The following NRG1 variants were observed in gnomAD, a reference collection of about 807,000 sequenced individuals.
NRG1 encodes neuregulin 1.
In NRG1, 18 loss-of-function variants were observed where a neutral mutation model predicts 63.8. The observed-to-expected ratio is 0.28, with a 90% CI of 0.19 to 0.42. NRG1 has a LOEUF of 0.42. Among genes scored for constraint, NRG1 ranks in the 10% least tolerant of loss-of-function variants. The pLI, the probability that NRG1 is intolerant of heterozygous loss-of-function variation, is 1.00. For synonymous variants in NRG1, 302 were observed against 301.3 expected, an observed-to-expected ratio of 1.00 and a Z score of -0.02; for missense variants, 762 against 814.7, an observed-to-expected ratio of 0.94 and a Z score of 0.79.
At position 32,267,186 on chromosome 8, in the gene NRG1, AGAAG is replaced by A. The variant is rs138029737; in HGVS notation, c.38-328622_38-328619del. 1.3e-3 allele frequency among the ~76,000 whole-genome samples: 195 copies of A among 149,538 alleles called. 2 individuals carry two copies. Among genetic ancestry groups the A allele is most frequent in the African/African-American group, 3.8e-3 (150 of 39,918 alleles). ...AGGAGAAAGAAGGAAGGAAGGAGAA[AGAAG>A]GAAGGAAGGAAGGAAGGAAAAATAT... is the stretch of plus-strand genomic sequence containing the variant. On this transcript the variant is annotated intron_variant, in intron 1 of 10. Transcript: ENST00000519301.
At chr8:32,272,744 G>T (rs1472831959) in intron 1 of NRG1, among the ~76,000 whole-genome samples, 1 of 152,120 alleles carries the variant, frequency 6.6e-6, no homozygotes, top group Non-Finnish European at 1.5e-5. Context: ...ATCCATTATT[G>T]ATCAAAATGT....
chr8:32,624,564 C>T (rs1848870282), intron 5 of NRG1, among the ~76,000 whole-genome samples: 1 of 152,024 alleles, frequency 6.6e-6, no homozygotes, highest in African/African-American at 2.4e-5. Context: ...ATTGGGCAGA[C>T]AAAACTAAGC....
chr8:31,708,890 G>A (rs1177706970), intron 1 of NRG1, among the ~76,000 whole-genome samples: 1 of 152,078 alleles, frequency 6.6e-6, no homozygotes, highest in Non-Finnish European at 1.5e-5. Context: ...TTGAAAATCT[G>A]CATATAATTT....
At chr8:32,641,534 C>T (rs1852394199) in intron 5 of NRG1, among the ~76,000 whole-genome samples, 1 of 152,212 alleles carries the variant, frequency 6.6e-6, no homozygotes, top group South Asian at 2.1e-4. Context: ...AGCAAACTCA[C>T]TGTAACTATC....
intron 1 of NRG1, among the ~76,000 whole-genome samples, chr8:32,403,672 C>CA (rs370643716): frequency 8.5e-5 from 13 of 152,292 alleles, no homozygotes; most frequent in African/African-American, 3.1e-4. Flanking sequence ...TACCCACCCA[C>CA]ATCACCTCTG....
intron 1 of NRG1, among the ~76,000 whole-genome samples, chr8:31,821,810 C>T (rs930776800): frequency 3.3e-5 from 5 of 151,882 alleles, no homozygotes; most frequent in Admixed American, 6.6e-5. Flanking sequence ...CTTTTCTTAA[C>T]GTCTTTACAG....
At chr8:32,284,965 G>A (rs1436137370) in intron 1 of NRG1, among the ~76,000 whole-genome samples, 1 of 152,124 alleles carries the variant, frequency 6.6e-6, no homozygotes, top group Non-Finnish European at 1.5e-5. Context: ...TTTTGGTGGT[G>A]GATAACATTT....
At chr8:32,708,370 A>G (rs1816970661) in intron 5 of NRG1, among the ~76,000 whole-genome samples, 1 of 152,240 alleles carries the variant, frequency 6.6e-6, no homozygotes, top group South Asian at 2.1e-4. Context: ...CTTAACTTGA[A>G]TTGGCTTCAG....
At chr8:31,834,425 T>C (rs931570232) in intron 1 of NRG1, among the ~76,000 whole-genome samples, 11 of 152,184 alleles carry the variant, frequency 7.2e-5, no homozygotes, top group Admixed American at 7.2e-4. Flanking sequence ...ATGCTACATA[T>C]GCTGGGTGTA....
intron 1 of NRG1, among the ~76,000 whole-genome samples, chr8:31,976,243 G>A (rs551815328): frequency 6.6e-6 from 1 of 152,186 alleles, no homozygotes; most frequent in East Asian, 1.9e-4. Flanking sequence ...TGAAATCAAC[G>A]GTTTGCTTCA....
At chr8:31,729,036 C>T (rs1402642367) in intron 1 of NRG1, among the ~76,000 whole-genome samples, 1 of 151,924 alleles carries the variant, frequency 6.6e-6, no homozygotes, top group Non-Finnish European at 1.5e-5. Context: ...TTTTCATTTA[C>T]AAAAAGAACA....
intron 1 of NRG1, among the ~76,000 whole-genome samples, chr8:32,112,853 T>C (rs779189906): frequency 6.6e-6 from 1 of 152,106 alleles, no homozygotes; most frequent in Non-Finnish European, 1.5e-5. Context: ...GGTTTCAAAT[T>C]TTCCTTTTTT....
At chr8:31,743,560 A>ATGTG (rs71974137) in intron 1 of NRG1, among the ~76,000 whole-genome samples, 1 of 151,160 alleles carries the variant, frequency 6.6e-6, no homozygotes. Flanking sequence ...ATTGTTTAAT[A>ATGTG]TGTGTGTGTG....
chr8:32,593,651 C>CTAAATAAATAAATAAA lies in NRG1; in HGVS notation c.101-2171_101-2156dup, dbSNP rs201540436. Among the ~76,000 whole-genome samples the CTAAATAAATAAATAAA allele has an allele frequency of 4.5e-4, 68 of 151,594 alleles. 1 individual carries two copies. The highest frequency in any genetic ancestry group is 1.6e-3 in the African/African-American group (65 of 41,216). ...CCTGTGCAACCGAGCAAGATCCTGT[C>CTAAATAAATAAATAAA]TAAATAAATAAATAAATAAATCCCT... is the stretch of plus-strand genomic sequence containing the variant. On this transcript the variant is annotated intron_variant, in intron 1 of 11. Coordinates refer to ENST00000356819, the Ensembl canonical transcript of NRG1.
chr8:32,319,472 T>A (rs886340693), intron 1 of NRG1, among the ~76,000 whole-genome samples: 1 of 152,138 alleles, frequency 6.6e-6, no homozygotes, highest in African/African-American at 2.4e-5. Flanking sequence ...AGAGGGAACC[T>A]GCAAAGATCT....
At chr8:31,733,819 G>C (rs1225218080) in intron 1 of NRG1, among the ~76,000 whole-genome samples, 1 of 152,120 alleles carries the variant, frequency 6.6e-6, no homozygotes, top group Non-Finnish European at 1.5e-5. Context: ...TGACTCTGCT[G>C]TCAGCTTTCC....
At position 32,514,513 on chromosome 8, in the gene NRG1, A is replaced by G. The variant is rs114790871; in HGVS notation, c.38-81315A>G. Among the ~76,000 whole-genome samples the G allele has an allele frequency of 4.4e-3, 666 of 152,298 alleles. 5 individuals carry two copies. Among genetic ancestry groups the G allele is most frequent in the African/African-American group, 0.016 (648 of 41,580 alleles). On this transcript the variant is annotated intron_variant, in intron 1 of 10. Transcript: ENST00000519301. ...TGGTTGTATGGAAAATTCTTATTATATCCCCAAATATAGGTTACACATTTT... is the reference window on the plus strand; with the variant it reads ...TGGTTGTATGGAAAATTCTTATTATGTCCCCAAATATAGGTTACACATTTT...
intron 1 of NRG1, among the ~76,000 whole-genome samples, chr8:31,787,953 T>C (rs189562645): frequency 7.3e-4 from 111 of 152,280 alleles, no homozygotes; most frequent in Non-Finnish European, 1.0e-3. Flanking sequence ...TTTTAACTCA[T>C]TTAATCTTCA....
At chr8:32,426,170 G>T (rs964311390) in intron 1 of NRG1, among the ~76,000 whole-genome samples, 1 of 152,118 alleles carries the variant, frequency 6.6e-6, no homozygotes, top group Non-Finnish European at 1.5e-5. Flanking sequence ...GTCAATTTAG[G>T]TAACTTCATT....
Sources: allele counts gnomAD v4.1 joint callset (sites outside exome capture counted in the v4.1 genomes callset), GRCh38; gene constraint gnomAD v4.1.1; transcripts MANE v1.5; gene names NCBI Gene and HGNC (gene_info 2026-07-23, HGNC 2026-07-21).